DRC1: variants seen among roughly 807,000 people sequenced by gnomAD.
DRC1 encodes dynein regulatory complex subunit 1, also known as dynein regulatory complex protein 1.
A neutral mutation model predicts 98.7 loss-of-function variants in DRC1; 74 were observed. The ratio of observed to expected loss-of-function variants is 0.75; its 90% CI spans 0.62 to 0.91. DRC1 has a LOEUF of 0.91. Ranked by LOEUF, DRC1 falls within the 40% of genes least tolerant of loss-of-function variation. The pLI, the probability that DRC1 is intolerant of heterozygous loss-of-function variation, is 0.00. For missense variants in DRC1, 875 were observed against 886.0 expected, an observed-to-expected ratio of 0.99 and a Z score of 0.16; for synonymous variants, 336 against 334.1, an observed-to-expected ratio of 1.01 and a Z score of -0.06.
At chr2:26,429,908 T>G (rs1041664918) in intron 5 of DRC1, 143 bp downstream of exon 5, 1 of 912,010 alleles carries the variant, frequency 1.1e-6, no homozygotes, top group Admixed American at 2.9e-5. Context: ...TTTATTAATT[T>G]ATTTACTCAT....
At chr2:26,448,244 T>G (rs903320788) in intron 10 of DRC1, 13 of 375,228 alleles carry the variant, frequency 3.5e-5, no homozygotes, top group Non-Finnish European at 6.4e-5. Context: ...AAAAAAAAAT[T>G]ATCTGTGAAT....
rs1010659978 is a variant in DRC1, at chr2:26,421,560, T to C, written c.356+160T>C. Among the ~76,000 whole-genome samples, 446 of 147,208 alleles carry C rather than the reference T, an allele frequency of 3.0e-3. 3 individuals carry two copies. The highest frequency in any genetic ancestry group is 0.011 in the African/African-American group (427 of 40,026). On this transcript the variant is annotated intron_variant, in intron 3 of 16. Coordinates refer to ENST00000288710, the MANE Select transcript of DRC1 (RefSeq NM_145038.5). Reference sequence around the variant, plus strand: ...CTCCCTCCTCTTCTTTCTCTCTCTTTTTTTTTTTTTTTTTTTTGAGACAGA... The same window carrying C: ...CTCCCTCCTCTTCTTTCTCTCTCTTCTTTTTTTTTTTTTTTTTGAGACAGA...
rs768160053 is a variant in DRC1 at position 26,448,814 on chromosome 2, G to A, written c.1509+11G>A. 25 of 1,613,316 alleles carry A rather than the reference G, an allele frequency of 1.5e-5. No homozygotes were observed. Among genetic ancestry groups the A allele is most frequent in the East Asian group, 4.5e-5 (2 of 44,892 alleles). On this transcript the variant is annotated intron_variant, in intron 11 of 16. Coordinates refer to ENST00000288710, the MANE Select transcript of DRC1 (RefSeq NM_145038.5). The stretch of plus-strand genomic sequence containing the variant: ...CTGTGTGACGAGTCGGTGAGGCCAG[G>A]CGGGGGCTGCAGCAGAGGGACTCAC...
intron 2 of DRC1, among the ~76,000 whole-genome samples, chr2:26,417,568 A>G (rs1009018223): frequency 3.9e-5 from 6 of 152,134 alleles, no homozygotes; most frequent in African/African-American, 1.2e-4. Context: ...GCCTCAGGTA[A>G]TCCTCCTGCC....
chr2:26,420,589 C>T (rs1663108563), intron 2 of DRC1, among the ~76,000 whole-genome samples: 1 of 152,112 alleles, frequency 6.6e-6, no homozygotes, highest in Admixed American at 6.6e-5. Flanking sequence ...TTGAGAACTG[C>T]AGAGTGCTTT....
chr2:26,412,202 G>C (rs752052391), intron 1 of DRC1, among the ~76,000 whole-genome samples: 10 of 152,084 alleles, frequency 6.6e-5, no homozygotes, highest in Non-Finnish European at 1.0e-4. Flanking sequence ...TTGAACAAAG[G>C]GAGTAGAGAT....
At chr2:26,425,026 A>G (rs1348282865) in intron 4 of DRC1, among the ~76,000 whole-genome samples, 1 of 152,186 alleles carries the variant, frequency 6.6e-6, no homozygotes, top group Non-Finnish European at 1.5e-5. Flanking sequence ...ATAGATCTCT[A>G]AGAACTTTTT....
intron 4 of DRC1, among the ~76,000 whole-genome samples, chr2:26,427,732 C>A (rs1663323416): frequency 6.6e-6 from 1 of 152,096 alleles, no homozygotes; most frequent in Non-Finnish European, 1.5e-5. Flanking sequence ...CCACACTACC[C>A]TTCTCAGTCT....
Position 26,432,021 on chromosome 2 carries a change from C to T in DRC1, c.888+15C>T, listed in dbSNP as rs756416544. 2 of 1,612,428 alleles carry T rather than the reference C, an allele frequency of 1.2e-6. 1 individual carries two copies. The highest frequency in any genetic ancestry group is 2.2e-5 in the South Asian group (2 of 90,880). On this transcript the variant is annotated intron_variant, in intron 7 of 16. Coordinates refer to ENST00000288710, the MANE Select transcript of DRC1 (RefSeq NM_145038.5). ...AGGATGTGCAGGTGCAACAGCTGGT[C>T]CTCACTAGGGTGCCTGGGTGGCGGA...
chr2:26,418,593 AATT>A (rs1678908111), intron 2 of DRC1, among the ~76,000 whole-genome samples: 1 of 97,758 alleles, frequency 1.0e-5, no homozygotes, highest in South Asian at 2.6e-4. Flanking sequence ...AATTATATAT[AATT>A]TATATAATAT....
chr2:26,440,121 T>C (rs1292038045), intron 7 of DRC1, among the ~76,000 whole-genome samples: 1 of 151,234 alleles, frequency 6.6e-6, no homozygotes, highest in Non-Finnish European at 1.5e-5. Flanking sequence ...TTTTACCTCT[T>C]TATTCTTTAT....
chr2:26,410,835 CAAA>C (rs895664073), intron 1 of DRC1, among the ~76,000 whole-genome samples: 2 of 151,930 alleles, frequency 1.3e-5, no homozygotes, highest in African/African-American at 4.8e-5. Context: ...CACAACAAAA[CAAA>C]ACAAAACAAA....
chr2:26,450,448 C>G, intron 12 of DRC1, 144 bp from the exon 13 acceptor site: 1 of 699,400 alleles, frequency 1.4e-6, no homozygotes, highest in Non-Finnish European at 2.5e-6. Context: ...TGTGTGTCCC[C>G]AAGTTCACAG....
intron 1 of DRC1, among the ~76,000 whole-genome samples, chr2:26,407,423 T>C (rs977437377): frequency 3.9e-5 from 6 of 152,204 alleles, no homozygotes; most frequent in Admixed American, 2.0e-4. Context: ...TGATGGCATA[T>C]CATATTCATC....
chr2:26,416,013 T>C (rs530618809), intron 2 of DRC1, among the ~76,000 whole-genome samples: 1 of 151,780 alleles, frequency 6.6e-6, no homozygotes, highest in African/African-American at 2.4e-5. Flanking sequence ...TTTTTTAAAA[T>C]GCTGATATAC....
chr2:26,435,581 C>A (rs1663548019), intron 7 of DRC1, among the ~76,000 whole-genome samples: 1 of 152,144 alleles, frequency 6.6e-6, no homozygotes, highest in African/African-American at 2.4e-5. Context: ...CCAAACTCCA[C>A]CCTCAAGTGG....
intron 12 of DRC1, 42 bp from the exon 13 acceptor site, chr2:26,450,550 C>T (rs1324456693): frequency 1.9e-6 from 3 of 1,592,272 alleles, no homozygotes; most frequent in Non-Finnish European, 2.6e-6. Flanking sequence ...CCCGTGGCCT[C>T]TTGATGGGGT....
At chr2:26,442,448 G>T (rs1164780307) in intron 8 of DRC1, among the ~76,000 whole-genome samples, 2 of 152,042 alleles carry the variant, frequency 1.3e-5, no homozygotes, top group East Asian at 1.9e-4. Flanking sequence ...TAAAATATTT[G>T]CTCTTCTTTC....
At chr2:26,428,652 G>A (rs1282386284) in intron 4 of DRC1, among the ~76,000 whole-genome samples, 6 of 152,118 alleles carry the variant, frequency 3.9e-5, no homozygotes, top group Admixed American at 3.9e-4. Flanking sequence ...CAAAAAATTA[G>A]CCAGGCATAG....
Sources: gnomAD v4.1 joint callset for allele counts (sites outside exome capture counted in the v4.1 genomes callset) on GRCh38, gnomAD v4.1.1 for gene constraint, MANE v1.5 for transcripts, NCBI Gene and HGNC (gene_info 2026-07-23, HGNC 2026-07-21) for gene names.